Variants in SLC8A1 observed in about 807,000 individuals in gnomAD.
SLC8A1 encodes solute carrier family 8 member A1.
Under a neutral mutation model 68.3 loss-of-function variants are expected in SLC8A1, and 18 were observed. The observed-to-expected ratio is 0.26, with a 90% CI of 0.18 to 0.39. The LOEUF is 0.39. Ranked by LOEUF, SLC8A1 falls within the 10% of genes least tolerant of loss-of-function variation. SLC8A1 has a pLI of 1.00. For synonymous variants in SLC8A1, 475 were observed against 415.5 expected (o/e 1.14, Z -1.74); for missense variants, 985 against 1,156.7 (o/e 0.85, Z 2.15).
chr2:40,404,624 T>C (rs193037031), intron 2 of SLC8A1, among the ~76,000 whole-genome samples: 1 of 152,210 alleles, frequency 6.6e-6, no homozygotes, highest in Non-Finnish European at 1.5e-5. Flanking sequence ...AGAGAGAATA[T>C]GGGCTCTAAA....
chr2:40,479,802 G>GA (rs750422184), intron 1 of SLC8A1, among the ~76,000 whole-genome samples: 5 of 152,126 alleles, frequency 3.3e-5, no homozygotes, highest in Non-Finnish European at 7.3e-5. Context: ...AATATTGGGA[G>GA]AAAAATATAA....
At chr2:40,383,628 T>C (rs1302055255) in intron 2 of SLC8A1, among the ~76,000 whole-genome samples, 1 of 152,040 alleles carries the variant, frequency 6.6e-6, no homozygotes. Context: ...ATAAAAAAAT[T>C]TGCTCAAGGT....
chr2:40,375,853 T>A (rs1358124487), intron 2 of SLC8A1, among the ~76,000 whole-genome samples: 1 of 151,910 alleles, frequency 6.6e-6, no homozygotes, highest in East Asian at 1.9e-4. Flanking sequence ...AATACAAAAA[T>A]TAGCTGGGCG....
chr2:40,252,969 G>GTGTGTATATGTATA (rs1558965823), intron 2 of SLC8A1, among the ~76,000 whole-genome samples: 2 of 134,556 alleles, frequency 1.5e-5, no homozygotes, highest in African/African-American at 2.9e-5. Context: ...GTATATGTAT[G>GTGTGTATATGTATA]TACATATATG....
chr2:40,103,687 T>C (rs2034032677), exon 8 of SLC8A1: 1 of 152,210 alleles, frequency 6.6e-6, no homozygotes, highest in South Asian at 2.1e-4. Flanking sequence ...GTCACTGATT[T>C]GGAATCCATT....
chr2:40,329,611 T>C (rs1025171283), intron 2 of SLC8A1, among the ~76,000 whole-genome samples: 4 of 152,230 alleles, frequency 2.6e-5, no homozygotes, highest in African/African-American at 7.2e-5. Flanking sequence ...CCCTATGACG[T>C]ATCTTCAAAA....
intron 2 of SLC8A1, among the ~76,000 whole-genome samples, chr2:40,279,267 T>G (rs1302835349): frequency 6.6e-6 from 1 of 152,188 alleles, no homozygotes; most frequent in Non-Finnish European, 1.5e-5. Context: ...TCTGGCTCCC[T>G]TATACTACAT....
At chr2:40,253,954 T>C (rs904617012) in intron 2 of SLC8A1, among the ~76,000 whole-genome samples, 7 of 151,962 alleles carry the variant, frequency 4.6e-5, no homozygotes, top group Admixed American at 3.9e-4. Context: ...CAGTGTTTGA[T>C]AGCACAACAG....
chr2:40,188,965 T>G (rs1168396086), intron 2 of SLC8A1, among the ~76,000 whole-genome samples: 1 of 152,210 alleles, frequency 6.6e-6, no homozygotes, highest in African/African-American at 2.4e-5. Context: ...TAATTTTATG[T>G]CTAATATTTT....
intron 2 of SLC8A1, among the ~76,000 whole-genome samples, chr2:40,244,882 A>C (rs532026598): frequency 5.2e-4 from 79 of 152,214 alleles, no homozygotes; most frequent in African/African-American, 1.9e-3. Flanking sequence ...TAACAAAGAG[A>C]AGGAATGTCT....
chr2:40,510,590 TTTAA>T (rs1343158164), intron 1 of SLC8A1, among the ~76,000 whole-genome samples: 4 of 152,170 alleles, frequency 2.6e-5, no homozygotes, highest in Non-Finnish European at 4.4e-5. Context: ...GTATATAGTG[TTTAA>T]TTAAGTATTT....
At chr2:40,203,280 G>GACTC in intron 2 of SLC8A1, among the ~76,000 whole-genome samples, 1 of 152,102 alleles carries the variant, frequency 6.6e-6, no homozygotes, top group South Asian at 2.1e-4. Flanking sequence ...AATGGGTAGT[G>GACTC]ACTCAGAGTA....
At chr2:40,193,595 G>C (rs981668900) in intron 2 of SLC8A1, among the ~76,000 whole-genome samples, 7 of 152,118 alleles carry the variant, frequency 4.6e-5, no homozygotes, top group African/African-American at 1.4e-4. Context: ...GATGGGAGGT[G>C]AGTCAAGAAA....
chr2:40,196,519 C>T (rs956595868), intron 2 of SLC8A1, among the ~76,000 whole-genome samples: 16 of 151,830 alleles, frequency 1.1e-4, no homozygotes, highest in Admixed American at 6.6e-5. Flanking sequence ...GATTCCTTGT[C>T]GTTATCATCA....
intron 1 of SLC8A1, among the ~76,000 whole-genome samples, chr2:40,450,373 C>T (rs1360136864): frequency 6.6e-6 from 1 of 150,408 alleles, no homozygotes; most frequent in African/African-American, 2.4e-5. Context: ...TGTGTGTGCA[C>T]GCGCGCGCGC....
intron 7 of SLC8A1, among the ~76,000 whole-genome samples, chr2:40,122,979 A>AT: frequency 6.6e-6 from 1 of 152,270 alleles, no homozygotes; most frequent in East Asian, 1.9e-4. Flanking sequence ...ATGGAGGTTT[A>AT]TTTTTCAGGG....
At chr2:40,326,202 G>A (rs2075809241) in intron 2 of SLC8A1, among the ~76,000 whole-genome samples, 1 of 152,110 alleles carries the variant, frequency 6.6e-6, no homozygotes, top group South Asian at 2.1e-4. Flanking sequence ...ACCGCAGCGT[G>A]GAAAAGGCTA....
chr2:40,279,910 A>G (rs1174796431), intron 2 of SLC8A1, among the ~76,000 whole-genome samples: 2 of 152,062 alleles, frequency 1.3e-5, no homozygotes, highest in Admixed American at 6.5e-5. Context: ...TTGTTTCTTT[A>G]TCTATTAAAC....
exon 8 of SLC8A1, chr2:40,097,894 G>A (rs2033668804): frequency 6.6e-6 from 1 of 151,922 alleles, no homozygotes; most frequent in Admixed American, 6.6e-5. Flanking sequence ...GGGCTTACAT[G>A]ATTACGACAG....
Sources: allele counts gnomAD v4.1 joint callset (sites outside exome capture counted in the v4.1 genomes callset), GRCh38; gene constraint gnomAD v4.1.1; transcripts MANE v1.5; gene names NCBI Gene and HGNC (gene_info 2026-07-23, HGNC 2026-07-21).